Variants in ADAMTS3 observed in about 807,000 individuals in gnomAD.
The protein encoded by ADAMTS3 is ADAM metallopeptidase with thrombospondin type 1 motif 3.
ADAMTS3 carries 73 observed loss-of-function variants against 129.0 expected under a neutral mutation model. The observed-to-expected ratio is 0.57, with a 90% CI of 0.47 to 0.69. The LOEUF (loss-of-function observed/expected upper bound fraction) is 0.69. Among genes scored for constraint, ADAMTS3 ranks in the 30% least tolerant of loss-of-function variants. ADAMTS3 has a pLI of 0.00. For synonymous variants in ADAMTS3, 477 were observed against 510.8 expected, an observed-to-expected ratio of 0.93 and a Z score of 0.89; for missense variants, 1,457 against 1,514.5, an observed-to-expected ratio of 0.96 and a Z score of 0.63.
At chr4:72,313,248 C>T (rs1212269067) in intron 12 of ADAMTS3, among the ~76,000 whole-genome samples, 2 of 152,172 alleles carry the variant, frequency 1.3e-5, no homozygotes, top group Non-Finnish European at 2.9e-5. Context: ...ACCTGGCCTT[C>T]TATCACAATC....
chr4:72,515,622 CATAA>C (rs1352686234), intron 3 of ADAMTS3, among the ~76,000 whole-genome samples: 2 of 151,654 alleles, frequency 1.3e-5, no homozygotes, highest in Admixed American at 1.3e-4. Flanking sequence ...CTTTTGGCTG[CATAA>C]ATGTCTTCTT....
chr4:72,511,300 T>G (rs1374176696), intron 3 of ADAMTS3, among the ~76,000 whole-genome samples: 1 of 152,002 alleles, frequency 6.6e-6, no homozygotes, highest in Non-Finnish European at 1.5e-5. Flanking sequence ...CTTAAAAAGC[T>G]TCTGCACAGC....
At chr4:72,456,017 CTATA>C (rs562234606) in intron 3 of ADAMTS3, among the ~76,000 whole-genome samples, 406 of 13,004 alleles carry the variant, frequency 0.031, 115 homozygotes, top group African/African-American at 0.13. Flanking sequence ...AGTATATATA[CTATA>C]TATATATTTT....
At chr4:72,539,348 A>C (rs1217632646) in intron 3 of ADAMTS3, among the ~76,000 whole-genome samples, 1 of 152,094 alleles carries the variant, frequency 6.6e-6, no homozygotes. Flanking sequence ...AAATGACTTC[A>C]GTAGACATTT....
At chr4:72,436,577 T>C (rs1423339896) in intron 3 of ADAMTS3, among the ~76,000 whole-genome samples, 1 of 152,106 alleles carries the variant, frequency 6.6e-6, no homozygotes, top group African/African-American at 2.4e-5. Context: ...TGCGGCACTA[T>C]TCACAATAGC....
At chr4:72,375,555 A>G (rs1281792943) in intron 4 of ADAMTS3, among the ~76,000 whole-genome samples, 1 of 152,178 alleles carries the variant, frequency 6.6e-6, no homozygotes, top group African/African-American at 2.4e-5. Flanking sequence ...GGCCTGATTC[A>G]GTGTATGGAG....
intron 4 of ADAMTS3, among the ~76,000 whole-genome samples, chr4:72,363,027 G>A (rs1720768669): frequency 1.3e-5 from 2 of 151,998 alleles, no homozygotes; most frequent in Non-Finnish European, 1.5e-5. Context: ...AGGAACTACA[G>A]GATCCAAAAT....
chr4:72,314,463 A>T (rs997870708), intron 11 of ADAMTS3, among the ~76,000 whole-genome samples: 61 of 152,196 alleles, frequency 4.0e-4, no homozygotes, highest in African/African-American at 1.4e-3. Flanking sequence ...AATACTATAG[A>T]GGCACCTAGC....
At chr4:72,489,573 T>A (rs111854622) in intron 3 of ADAMTS3, among the ~76,000 whole-genome samples, 1 of 151,944 alleles carries the variant, frequency 6.6e-6, no homozygotes, top group Non-Finnish European at 1.5e-5. Flanking sequence ...CTGAAGCAGA[T>A]GTTCTTCCTT....
intron 5 of ADAMTS3, among the ~76,000 whole-genome samples, chr4:72,329,773 G>A (rs113923251): frequency 0.037 from 5,595 of 149,530 alleles, 340 homozygotes; most frequent in African/African-American, 0.13. Context: ...AACGATCTAC[G>A]ATGTTCTGTG....
chr4:72,300,151 C>T (rs765810401), intron 17 of ADAMTS3, among the ~76,000 whole-genome samples: 26 of 152,098 alleles, frequency 1.7e-4, no homozygotes, highest in African/African-American at 5.8e-4. Context: ...AAGCACCATT[C>T]GAACAACCCT....
chr4:72,528,725 T>C (rs1441882045), intron 3 of ADAMTS3, among the ~76,000 whole-genome samples: 1 of 152,052 alleles, frequency 6.6e-6, no homozygotes, highest in African/African-American at 2.4e-5. Context: ...TTATGAAAGT[T>C]ACACAAAAGG....
At chr4:72,395,830 G>A (rs187188922) in intron 4 of ADAMTS3, among the ~76,000 whole-genome samples, 1 of 152,296 alleles carries the variant, frequency 6.6e-6, no homozygotes, top group East Asian at 1.9e-4. Flanking sequence ...GTGTGTGTGT[G>A]TGCATATACA....
chr4:72,347,360 A>G (rs1474177822), intron 4 of ADAMTS3, among the ~76,000 whole-genome samples: 1 of 151,798 alleles, frequency 6.6e-6, no homozygotes, highest in African/African-American at 2.4e-5. Flanking sequence ...CAGCCTGATA[A>G]ATAAGCCCAT....
chr4:72,351,782 A>ATTT (rs1475523518), intron 4 of ADAMTS3, among the ~76,000 whole-genome samples: 2 of 151,998 alleles, frequency 1.3e-5, no homozygotes, highest in African/African-American at 2.4e-5. Flanking sequence ...AAAGAACATG[A>ATTT]TTTTTGAAAT....
At position 72,301,907 on chromosome 4, in the gene ADAMTS3, C is replaced by T. The variant is rs78072035; in HGVS notation, c.2424+2010G>A. Among the ~76,000 whole-genome samples the T allele has an allele frequency of 9.3e-3, 1,410 of 152,080 alleles. 27 individuals carry two copies. The highest frequency in any genetic ancestry group is 0.032 in the African/African-American group (1,321 of 41,468). ...CCTAGAAATCTACATGGGTCCATGA[C>T]TGAGGGTTGGTCTGTGTATGCTCAA... On this transcript the variant is annotated intron_variant, in intron 17 of 21. Coordinates refer to ENST00000286657, the MANE Select transcript of ADAMTS3 (RefSeq NM_014243.3).
chr4:72,310,485 AGT>A (rs566678339), intron 14 of ADAMTS3, among the ~76,000 whole-genome samples: 158 of 152,230 alleles, frequency 1.0e-3, no homozygotes, highest in African/African-American at 3.6e-3. Context: ...GCAGTGTTTC[AGT>A]TAATAAGATA....
intron 4 of ADAMTS3, among the ~76,000 whole-genome samples, chr4:72,370,268 G>T (rs1720970720): frequency 6.6e-6 from 1 of 152,136 alleles, no homozygotes; most frequent in African/African-American, 2.4e-5. Flanking sequence ...CCAGGCTGTT[G>T]CTTCCCAGCC....
chr4:72,407,876 G>T (rs1174682288), intron 4 of ADAMTS3, among the ~76,000 whole-genome samples: 5 of 151,458 alleles, frequency 3.3e-5, no homozygotes, highest in Admixed American at 3.3e-4. Flanking sequence ...GTATATAGTT[G>T]GTTGTTTATG....
Sources: gnomAD v4.1 joint callset for allele counts (sites outside exome capture counted in the v4.1 genomes callset) on GRCh38, gnomAD v4.1.1 for gene constraint, MANE v1.5 for transcripts, NCBI Gene and HGNC (gene_info 2026-07-23, HGNC 2026-07-21) for gene names.